Variants in PDE4D observed in about 807,000 individuals in gnomAD.
PDE4D encodes phosphodiesterase 4D.
PDE4D carries 24 observed loss-of-function variants against 87.4 expected under a neutral mutation model. That is an observed-to-expected ratio of 0.27 (90% CI 0.20 to 0.39). The LOEUF (loss-of-function observed/expected upper bound fraction) is 0.39. PDE4D is among the 10% of genes least tolerant of loss of function. The pLI is 1.00. For synonymous variants in PDE4D, 384 were observed against 383.2 expected (o/e 1.00, Z -0.02); for missense variants, 714 against 1,041.0 (o/e 0.69, Z 4.32).
At chr5:59,185,058 T>C (rs1160149507) in intron 4 of PDE4D, 131 bp downstream of exon 4, 1 of 612,606 alleles carries the variant, frequency 1.6e-6, no homozygotes, top group Non-Finnish European at 2.9e-6. Context: ...CAGGACATCA[T>C]ATGACTTAGT....
chr5:59,135,138 G>C (rs1325319215), intron 5 of PDE4D, among the ~76,000 whole-genome samples: 1 of 152,226 alleles, frequency 6.6e-6, no homozygotes, highest in Non-Finnish European at 1.5e-5. Flanking sequence ...TCCCTGACAA[G>C]GATGCACTTA....
At chr5:59,339,947 T>C (rs981021622) in intron 1 of PDE4D, among the ~76,000 whole-genome samples, 1 of 151,856 alleles carries the variant, frequency 6.6e-6, no homozygotes, top group Non-Finnish European at 1.5e-5. Context: ...TTTTGTTTTG[T>C]TTAAAAAAAA....
chr5:59,538,553 C>T (rs1441604152), intron 1 of PDE4D, among the ~76,000 whole-genome samples: 1 of 152,082 alleles, frequency 6.6e-6, no homozygotes, highest in African/African-American at 2.4e-5. Flanking sequence ...TCCTAAATCT[C>T]TTTACTTTTC....
intron 5 of PDE4D, among the ~76,000 whole-genome samples, chr5:59,042,243 G>A (rs190373422): frequency 2.0e-5 from 3 of 152,216 alleles, no homozygotes; most frequent in East Asian, 3.9e-4. Context: ...AGCTAGCCAC[G>A]ATTTTTCAGG....
intron 1 of PDE4D, among the ~76,000 whole-genome samples, chr5:59,678,648 A>G (rs1748510934): frequency 6.6e-6 from 1 of 152,074 alleles, no homozygotes; most frequent in Non-Finnish European, 1.5e-5. Context: ...TATTTTTAGT[A>G]GAGATGGAGT....
At chr5:59,734,532 GA>G (rs1050815454) in intron 1 of PDE4D, among the ~76,000 whole-genome samples, 38 of 152,040 alleles carry the variant, frequency 2.5e-4, no homozygotes, top group African/African-American at 8.9e-4. Context: ...CCTGGAATGT[GA>G]AAATGTACAA....
At chr5:59,147,558 T>C (rs1304438627) in intron 5 of PDE4D, among the ~76,000 whole-genome samples, 3 of 152,136 alleles carry the variant, frequency 2.0e-5, no homozygotes, top group Non-Finnish European at 4.4e-5. Flanking sequence ...GAACCTAGAG[T>C]GAGCATTCTA....
intron 2 of PDE4D, among the ~76,000 whole-genome samples, chr5:60,064,678 A>G (rs1430543677): frequency 1.3e-5 from 2 of 152,144 alleles, no homozygotes; most frequent in African/African-American, 4.8e-5. Context: ...TCTCCTAAAC[A>G]AGTTGCATGT....
At chr5:59,310,387 C>T (rs1772338148) in intron 1 of PDE4D, among the ~76,000 whole-genome samples, 2 of 152,148 alleles carry the variant, frequency 1.3e-5, no homozygotes, top group African/African-American at 4.8e-5. Context: ...TCTGTCTCCA[C>T]CAATTCTTTA....
At chr5:59,061,812 T>A (rs1217795102) in intron 5 of PDE4D, among the ~76,000 whole-genome samples, 3 of 152,116 alleles carry the variant, frequency 2.0e-5, no homozygotes, top group Non-Finnish European at 2.9e-5. Context: ...TTATGAAACA[T>A]AAATATCAAT....
chr5:59,971,453 T>A (rs1760762818), intron 3 of PDE4D, among the ~76,000 whole-genome samples: 1 of 151,594 alleles, frequency 6.6e-6, no homozygotes, highest in Non-Finnish European at 1.5e-5. Context: ...AAAATAGCAC[T>A]TATATAGGAA....
intron 1 of PDE4D, among the ~76,000 whole-genome samples, chr5:59,545,316 A>T (rs1276076080): frequency 1.3e-5 from 2 of 152,132 alleles, no homozygotes; most frequent in African/African-American, 4.8e-5. Flanking sequence ...TGGGTTTTCA[A>T]TGCAGAAATG....
chr5:60,058,746 T>C (rs1413888303), intron 2 of PDE4D, among the ~76,000 whole-genome samples: 1 of 151,902 alleles, frequency 6.6e-6, no homozygotes, highest in African/African-American at 2.4e-5. Context: ...ATACTGCCAA[T>C]CTCTTGTTGC....
At chr5:59,297,670 G>C (rs920799065) in intron 1 of PDE4D, among the ~76,000 whole-genome samples, 2 of 152,004 alleles carry the variant, frequency 1.3e-5, no homozygotes, top group Non-Finnish European at 2.9e-5. Context: ...AACAGTGCCT[G>C]AACTTAGGAA....
chr5:59,910,801 A>G (rs1753358087), intron 3 of PDE4D, among the ~76,000 whole-genome samples: 2 of 152,098 alleles, frequency 1.3e-5, no homozygotes, highest in Admixed American at 1.3e-4. Flanking sequence ...CCCCCAAAGA[A>G]CTCCATGTCT....
intron 1 of PDE4D, among the ~76,000 whole-genome samples, chr5:59,569,527 A>G (rs1342306827): frequency 6.6e-6 from 1 of 152,210 alleles, no homozygotes; most frequent in Non-Finnish European, 1.5e-5. Flanking sequence ...TTATCATTGC[A>G]AACAACGCAT....
At chr5:59,555,557 T>C (rs1440706770) in intron 1 of PDE4D, among the ~76,000 whole-genome samples, 1 of 152,158 alleles carries the variant, frequency 6.6e-6, no homozygotes, top group South Asian at 2.1e-4. Flanking sequence ...AATCTGTTTG[T>C]GGAAAAACAG....
intron 1 of PDE4D, among the ~76,000 whole-genome samples, chr5:60,379,204 AC>A (rs1761672618): frequency 6.6e-6 from 1 of 151,376 alleles, no homozygotes; most frequent in African/African-American, 2.4e-5. Context: ...AAAAAAAAAA[AC>A]ATTAAAACCA....
intron 1 of PDE4D, among the ~76,000 whole-genome samples, chr5:60,240,822 G>A (rs74759727): frequency 0.017 from 2,599 of 152,182 alleles, 60 homozygotes; most frequent in African/African-American, 0.051. Context: ...GCATTACTAG[G>A]TTTGTGGTAC....
Sources: gnomAD v4.1 joint callset for allele counts (sites outside exome capture counted in the v4.1 genomes callset) on GRCh38, gnomAD v4.1.1 for gene constraint, MANE v1.5 for transcripts, NCBI Gene and HGNC (gene_info 2026-07-23, HGNC 2026-07-21) for gene names.